Variants in GLB1 observed in about 807,000 individuals in gnomAD.
GLB1 encodes the protein galactosidase beta 1, also known as beta-galactosidase.
In GLB1, 56 loss-of-function variants were observed where a neutral mutation model predicts 74.0. That is an observed-to-expected ratio of 0.76 (90% CI 0.61 to 0.94). GLB1 has a LOEUF of 0.94. Ranked by LOEUF, GLB1 falls within the 40% of genes least tolerant of loss-of-function variation. The pLI is 0.00. For missense variants in GLB1, 787 were observed against 845.5 expected, an observed-to-expected ratio of 0.93 and a Z score of 0.86; for synonymous variants, 323 against 323.6, an observed-to-expected ratio of 1.00 and a Z score of 0.02.
rs1265771391 is a variant in GLB1 at position 33,034,451 on chromosome 3, A to T, written c.1069-10126T>A. The T allele has an allele frequency of 1.4e-5, 10 of 731,774 alleles. No individual in the cohort carries two copies. The Admixed American group carries it at 1.5e-4, about 11-fold the overall frequency. The allele number at this position is 731,774 out of a possible 1,614,324, so 45.3% of individuals were successfully genotyped here. ...CAACCTCTTCAAGGATGGCCAGTGG[A>T]AGGAGAGCAGAAGCTGGAAGCACAG... On this transcript the variant is annotated intron_variant, in intron 10 of 15. Coordinates refer to ENST00000307363, the MANE Select transcript of GLB1 (RefSeq NM_000404.4).
At position 33,014,212 on chromosome 3, in the gene GLB1, GC is replaced by G. The variant is rs794729217; in HGVS notation, c.1577del (p.Gly526AlafsTer74). ...GGTGGCCACTGTCACGGTGTCCCCA[GC>G]CCCCCAGGTGGCTGCACACTGCATC... Reference protein sequence around the residue: ...TEDAVCSHLGGWGHRDSGHHD... With the variant: ...TEDAVCSHLGXWGHRDSGHHD... On this transcript the variant is annotated frameshift_variant, in exon 15 of 16. Coordinates refer to ENST00000307363, the MANE Select transcript of GLB1 (RefSeq NM_000404.4). LOFTEE classifies it high-confidence loss of function. 1.2e-6 allele frequency: 2 copies of G among 1,614,156 alleles called. No homozygotes were observed. Among genetic ancestry groups the G allele is most frequent in the Non-Finnish European group, 1.7e-6 (2 of 1,180,038 alleles).
At chr3:33,078,994 T>A (rs1700228598) in intron 1 of GLB1, among the ~76,000 whole-genome samples, 1 of 152,094 alleles carries the variant, frequency 6.6e-6, no homozygotes, top group Non-Finnish European at 1.5e-5. Context: ...GATAGACTAC[T>A]ACTCAGCAAT....
rs376710410 is a variant in GLB1, at chr3:33,065,551, A to C, written c.464T>G (p.Leu155Arg). ...TCCCAACCACTTGTCCACAGCTGCC[A>C]GGTAATCTGGAAAACAAGAAAAGTT... ...ILLRSSDPDY[L>R]AAVDKWLGVL... The change falls in exon 5 of 16, where the codon CTG becomes CGG. Residue 155 changes from leucine (L) to arginine (R), a missense_variant. Physicochemically the swap from Leu to Arg is moderately radical, Grantham distance 102. Transcript: ENST00000307363. The C allele has an allele frequency of 1.4e-5, 22 of 1,573,934 alleles. No homozygotes were observed. Among genetic ancestry groups the C allele is most frequent in the Non-Finnish European group, 1.8e-5 (21 of 1,156,504 alleles).
downstream of GLB1, among the ~76,000 whole-genome samples, chr3:32,995,346 T>G (rs1696289897): frequency 6.6e-6 from 1 of 152,148 alleles, no homozygotes; most frequent in Admixed American, 6.5e-5. Context: ...GCCATGGTTC[T>G]TGAGTATCAT....
chr3:32,961,311 A>G, the GLB1 span, among the ~76,000 whole-genome samples: 1 of 152,256 alleles, frequency 6.6e-6, no homozygotes, highest in Non-Finnish European at 1.5e-5. Context: ...AGCAGCTGAG[A>G]TCAGGTGAAA....
chr3:33,090,138 T>G (rs1378247870), intron 1 of GLB1, among the ~76,000 whole-genome samples: 2 of 152,244 alleles, frequency 1.3e-5, no homozygotes, highest in Non-Finnish European at 2.9e-5. Context: ...TTAGATGATA[T>G]TCAAGAATCA....
At chr3:33,078,538 T>C (rs1179454328) in intron 1 of GLB1, among the ~76,000 whole-genome samples, 1 of 152,176 alleles carries the variant, frequency 6.6e-6, no homozygotes, top group Non-Finnish European at 1.5e-5. Flanking sequence ...AACCCGAATC[T>C]AATAATACCA....
the GLB1 span, among the ~76,000 whole-genome samples, chr3:32,966,487 C>A: frequency 6.6e-6 from 1 of 152,150 alleles, no homozygotes; most frequent in East Asian, 1.9e-4. Flanking sequence ...AACTAACTTG[C>A]TTCTGATTTT....
chr3:33,031,456 C>T lies in GLB1; in HGVS notation c.1069-7131G>A, dbSNP rs192564245. Among the ~76,000 whole-genome samples, 701 of 150,978 alleles carry T rather than the reference C, an allele frequency of 4.6e-3. 4 individuals are homozygous for T. Among genetic ancestry groups the T allele is most frequent in the African/African-American group, 0.016 (664 of 41,088 alleles). ...GTCAGGAGTTTGAGACCAGCCTGGC[C>T]AACATGGCGAAACTCCGTCTCTACT... On this transcript the variant is annotated intron_variant, in intron 10 of 15. Coordinates refer to ENST00000307363, the MANE Select transcript of GLB1 (RefSeq NM_000404.4).
At chr3:33,017,768 A>G (rs1697294459) in intron 13 of GLB1, among the ~76,000 whole-genome samples, 1 of 152,244 alleles carries the variant, frequency 6.6e-6, no homozygotes, top group African/African-American at 2.4e-5. Flanking sequence ...TGGCAGGTAC[A>G]AAATTGAATT....
intron 1 of GLB1, among the ~76,000 whole-genome samples, chr3:33,074,389 G>GAAGAAAGAAAGAAAGAAA (rs1700027656): frequency 2.6e-5 from 1 of 38,884 alleles, no homozygotes; most frequent in Non-Finnish European, 4.7e-5. Flanking sequence ...AGGAAGGAAG[G>GAAGAAAGAAAGAAAGAAA]AAGAAAGAAA....
chr3:33,068,716 C>A lies in GLB1; in HGVS notation c.396+104G>T. The A allele has an allele frequency of 2.5e-6, 4 of 1,594,442 alleles. No homozygotes were observed. The South Asian group carries it at 4.5e-5, about 18-fold the overall frequency. On this transcript the variant is annotated intron_variant, in intron 3 of 15. Transcript: ENST00000307363. ...CACCTGTGCTGGGTACAGTCCCAGGCCCCATGCTCTCTGGAATGCAGGTCT... is the reference window on the plus strand; with the variant it reads ...CACCTGTGCTGGGTACAGTCCCAGGACCCATGCTCTCTGGAATGCAGGTCT...
At chr3:32,982,434 T>A in the GLB1 span, among the ~76,000 whole-genome samples, 1 of 152,074 alleles carries the variant, frequency 6.6e-6, no homozygotes, top group African/African-American at 2.4e-5. Context: ...AGTTTAAAAT[T>A]AACCAACTAC....
intron 15 of GLB1, among the ~76,000 whole-genome samples, chr3:33,004,637 C>T (rs1441311070): frequency 6.6e-6 from 1 of 152,222 alleles, no homozygotes; most frequent in East Asian, 1.9e-4. Flanking sequence ...GGTGAGAAGA[C>T]ACCTGTGAGC....
the GLB1 span, among the ~76,000 whole-genome samples, chr3:32,971,850 C>T: frequency 2.0e-4 from 30 of 152,166 alleles, no homozygotes; most frequent in African/African-American, 6.5e-4. Context: ...AACCCTCTGG[C>T]CTATATTGGA....
chr3:33,008,867 C>T (rs1463148948), intron 15 of GLB1, among the ~76,000 whole-genome samples: 1 of 152,162 alleles, frequency 6.6e-6, no homozygotes, highest in African/African-American at 2.4e-5. Flanking sequence ...CGCCTGTAAT[C>T]CCAGCACTCT....
At chr3:33,069,662 T>C (rs1008693176) in intron 2 of GLB1, among the ~76,000 whole-genome samples, 5 of 152,208 alleles carry the variant, frequency 3.3e-5, no homozygotes, top group Admixed American at 2.0e-4. Context: ...TTTTCATTCA[T>C]TGCCCTTTAT....
At chr3:33,077,351 C>T (rs1449373038) in intron 1 of GLB1, 67 of 1,467,368 alleles carry the variant, frequency 4.6e-5, no homozygotes, top group East Asian at 2.3e-4. Context: ...CTGTTGTGAA[C>T]GATAGGGATG....
At chr3:33,076,059 A>AG (rs1389465691) in intron 1 of GLB1, among the ~76,000 whole-genome samples, 2 of 152,012 alleles carry the variant, frequency 1.3e-5, no homozygotes, top group African/African-American at 4.8e-5. Context: ...AAAAAAAAAA[A>AG]AAGCAAAGTT....
Sources: allele counts gnomAD v4.1 joint callset (sites outside exome capture counted in the v4.1 genomes callset), GRCh38; gene constraint gnomAD v4.1.1; transcripts MANE v1.5; gene names NCBI Gene and HGNC (gene_info 2026-07-23, HGNC 2026-07-21).